The following DOCK11 variants were observed in gnomAD, a reference collection of about 807,000 sequenced individuals.
DOCK11 encodes the protein dedicator of cytokinesis protein 11.
In DOCK11, 70 loss-of-function variants were observed where a neutral mutation model predicts 169.1. The ratio of observed to expected loss-of-function variants is 0.41; its 90% CI spans 0.34 to 0.51. DOCK11 has a LOEUF of 0.51. Among genes scored for constraint, DOCK11 ranks in the 20% least tolerant of loss-of-function variants. DOCK11 has a pLI of 0.10. For synonymous variants in DOCK11, 529 were observed against 541.3 expected (o/e 0.98, Z 0.32); for missense variants, 1,166 against 1,538.8 (o/e 0.76, Z 4.05).
At chrX:118,591,050 T>C (rs1298697947) in intron 19 of DOCK11, among the ~76,000 whole-genome samples, 2 of 112,459 alleles carry the variant, frequency 1.8e-5, no homozygotes, top group African/African-American at 6.5e-5. Context: ...TATATGTCTC[T>C]ATGGAACCTG....
At chrX:118,584,380 T>TC (rs747709977) in intron 14 of DOCK11, among the ~76,000 whole-genome samples, 5 of 112,746 alleles carry the variant, frequency 4.4e-5, no homozygotes, top group Admixed American at 9.4e-5. Context: ...AATATGTAGT[T>TC]CATTTTGAGC....
chrX:118,615,799 A>G, intron 30 of DOCK11, 88 bp downstream of exon 30: 1 of 693,910 alleles, frequency 1.4e-6, no homozygotes, highest in South Asian at 2.6e-5. Context: ...TAGTTGAACC[A>G]GTCAACTTGA....
In DOCK11 at chrX:118,593,421, G is replaced by A. The variant is rs1290297050; in HGVS notation, c.2263+84G>A. The A allele has an allele frequency of 6.2e-6, 6 of 965,923 alleles. No homozygotes were observed. In the African/African-American group the frequency reaches 1.2e-4, roughly 19 times the overall value. The allele number at this position is 965,923 out of a possible 1,213,427, so 79.6% of individuals were successfully genotyped here. ...TATAACCTCTTTTCACCAAGCTATA[G>A]ACCACTTCTCCCCTTGACCAAAAAC... On this transcript the variant is annotated intron_variant, in intron 20 of 52. Coordinates refer to ENST00000276202, the MANE Select transcript of DOCK11 (RefSeq NM_144658.4).
chrX:118,668,363 T>C (rs2016386724), intron 45 of DOCK11, among the ~76,000 whole-genome samples: 1 of 111,904 alleles, frequency 8.9e-6, no homozygotes, highest in African/African-American at 3.2e-5. Context: ...ATATAATTTT[T>C]CTTTTTTATT....
chrX:118,538,874 G>T (rs2011855272), intron 1 of DOCK11, among the ~76,000 whole-genome samples: 1 of 112,343 alleles, frequency 8.9e-6, no homozygotes, highest in African/African-American at 3.2e-5. Flanking sequence ...GAGAAAGTTA[G>T]ATAAGGGATA....
chrX:118,671,327 A>C (rs756846390), intron 46 of DOCK11, among the ~76,000 whole-genome samples, 182 bp downstream of exon 46: 3 of 111,935 alleles, frequency 2.7e-5, no homozygotes, highest in Non-Finnish European at 5.6e-5. Context: ...CATTTGTCCA[A>C]TTTCAAAGTG....
chrX:118,569,608 A>G (rs1259332826), intron 10 of DOCK11: 3 of 112,014 alleles, frequency 2.7e-5, no homozygotes, highest in Non-Finnish European at 5.6e-5. Context: ...TAATGCAAAC[A>G]TTTTCCTTAA....
Position 118,599,124 on chromosome X carries a change from C to G in DOCK11, c.2473-15C>G, listed in dbSNP as rs1453454929. On this transcript the variant is annotated splice_polypyrimidine_tract_variant and intron_variant, in intron 22 of 52. Coordinates refer to ENST00000276202, the MANE Select transcript of DOCK11 (RefSeq NM_144658.4). Reference sequence around the variant, plus strand: ...TGAATCAAATTTCATATGGCTGTTTCCATCTGTGTTCCAGGATCTGCATGT... The same window carrying G: ...TGAATCAAATTTCATATGGCTGTTTGCATCTGTGTTCCAGGATCTGCATGT... The G allele has an allele frequency of 6.7e-6, 8 of 1,188,756 alleles. No individual in the cohort carries two copies. Among genetic ancestry groups the G allele is most frequent in the Middle Eastern group, 2.3e-4 (1 of 4,324 alleles).
chrX:118,671,836 C>T (rs995111239), intron 46 of DOCK11, among the ~76,000 whole-genome samples: 12 of 112,071 alleles, frequency 1.1e-4, no homozygotes, highest in Non-Finnish European at 1.7e-4. Flanking sequence ...TGCACCACCA[C>T]GCCCCGCTAT....
At chrX:118,541,309 AC>A (rs2011993357) in intron 1 of DOCK11, among the ~76,000 whole-genome samples, 1 of 111,591 alleles carries the variant, frequency 9.0e-6, no homozygotes, top group Admixed American at 9.5e-5. Context: ...TGCATGCATG[AC>A]AGCTGTGGGT....
At chrX:118,549,585 A>G (rs1180768965) in intron 6 of DOCK11, among the ~76,000 whole-genome samples, 1 of 111,477 alleles carries the variant, frequency 9.0e-6, no homozygotes, top group Non-Finnish European at 1.9e-5. Context: ...AGACAGTCTC[A>G]CTGTGTCGCC....
At chrX:118,564,976 C>T (rs889710627) in intron 7 of DOCK11, among the ~76,000 whole-genome samples, 14 of 110,103 alleles carry the variant, frequency 1.3e-4, no homozygotes, top group Admixed American at 1.2e-3. Context: ...CACTGTGTCG[C>T]CCCGGCTGGA....
At chrX:118,516,385 GCA>G (rs2057688550) in intron 1 of DOCK11, among the ~76,000 whole-genome samples, 1 of 97,343 alleles carries the variant, frequency 1.0e-5, no homozygotes, top group Non-Finnish European at 2.0e-5. Context: ...GTGAGCCACT[GCA>G]CCCGGCCTCC....
intron 23 of DOCK11, among the ~76,000 whole-genome samples, chrX:118,600,312 C>A (rs1202693746): frequency 9.2e-6 from 1 of 109,018 alleles, no homozygotes; most frequent in African/African-American, 3.3e-5. Flanking sequence ...GAGGCTGAGG[C>A]AGGAGAATCG....
chrX:118,523,903 C>T (rs961535331), intron 1 of DOCK11, among the ~76,000 whole-genome samples: 5 of 111,258 alleles, frequency 4.5e-5, no homozygotes, highest in South Asian at 3.9e-4. Flanking sequence ...TGGAACTGAA[C>T]TTGGGTGTCA....
chrX:118,601,421 CAA>C (rs199813534), intron 23 of DOCK11, among the ~76,000 whole-genome samples: 30 of 53,929 alleles, frequency 5.6e-4, no homozygotes, highest in Admixed American at 9.1e-4. Flanking sequence ...GACCCTGTCT[CAA>C]AAAAAAAAAA....
chrX:118,524,756 G>A (rs779322025), intron 1 of DOCK11, among the ~76,000 whole-genome samples: 15 of 111,346 alleles, frequency 1.3e-4, no homozygotes, highest in East Asian at 2.8e-4. Flanking sequence ...CGGGCGGGGC[G>A]GACCTGGAAC....
At chrX:118,586,454 T>C (rs1357329119) in intron 16 of DOCK11, among the ~76,000 whole-genome samples, 1 of 110,939 alleles carries the variant, frequency 9.0e-6, no homozygotes, top group African/African-American at 3.3e-5. Context: ...TCAGATCTCA[T>C]GAGAACTCAC....
chrX:118,597,758 T>A (rs2014213300), intron 21 of DOCK11, among the ~76,000 whole-genome samples: 2 of 111,703 alleles, frequency 1.8e-5, no homozygotes, highest in Admixed American at 1.9e-4. Context: ...ATTTTAATAA[T>A]TTTTTTAGTG....
Sources: gnomAD v4.1 joint callset for allele counts (sites outside exome capture counted in the v4.1 genomes callset) on GRCh38, gnomAD v4.1.1 for gene constraint, MANE v1.5 for transcripts, NCBI Gene and HGNC (gene_info 2026-07-23, HGNC 2026-07-21) for gene names.